Variants in MTCL3 observed in about 807,000 individuals in gnomAD.
The protein encoded by MTCL3 is microtubule cross-linking factor 3.
At chr6:127,476,127 C>G in the MTCL3 span, 5 of 1,614,144 alleles carry the variant, frequency 3.1e-6, no homozygotes, top group East Asian at 1.1e-4. This position sits in a 1 kb window ranked among gnomAD's most constrained non-coding sequence, Gnocchi z 4.4. Flanking sequence ...CCCTCATGAG[C>G]GGGTTGGCCG....
At chr6:127,496,704 TATG>T in the MTCL3 span, among the ~76,000 whole-genome samples, 1 of 152,130 alleles carries the variant, frequency 6.6e-6, no homozygotes, top group Non-Finnish European at 1.5e-5. Context: ...ATAGATAAAA[TATG>T]ATATTTGCCC....
chr6:127,514,914 C>T, the MTCL3 span: 1 of 1,614,162 alleles, frequency 6.2e-7, no homozygotes, highest in Non-Finnish European at 8.5e-7. Context: ...TTTGCGGAGG[C>T]GGTACTGCAG....
chr6:127,479,864 T>C, the MTCL3 span, among the ~76,000 whole-genome samples: 1 of 152,192 alleles, frequency 6.6e-6, no homozygotes, highest in Non-Finnish European at 1.5e-5. Context: ...ACCCAACTAT[T>C]GTAGGCTGCA....
chr6:127,516,230 C>T, the MTCL3 span: 1 of 1,433,216 alleles, frequency 7.0e-7, no homozygotes, highest in Non-Finnish European at 9.1e-7. Context: ...AGGGTCGCGG[C>T]GGGGGCCGCT....
At chr6:127,492,018 T>C in the MTCL3 span, among the ~76,000 whole-genome samples, 1 of 152,184 alleles carries the variant, frequency 6.6e-6, no homozygotes, top group Non-Finnish European at 1.5e-5. Context: ...TGAGAGATTG[T>C]ACAATTCTGC....
At chr6:127,476,423 C>G in the MTCL3 span, 1 of 1,609,820 alleles carries the variant, frequency 6.2e-7, no homozygotes. This position sits in a 1 kb window ranked among gnomAD's most constrained non-coding sequence, Gnocchi z 4.4. Context: ...AAAGCGGCTT[C>G]TTCCTTAACA....
chr6:127,487,213 A>G, the MTCL3 span, among the ~76,000 whole-genome samples: 1 of 152,160 alleles, frequency 6.6e-6, no homozygotes, highest in Admixed American at 6.5e-5. Flanking sequence ...GAACAACTAC[A>G]TTATACTGTT....
the MTCL3 span, among the ~76,000 whole-genome samples, chr6:127,509,628 T>C: frequency 6.6e-6 from 1 of 152,128 alleles, no homozygotes; most frequent in African/African-American, 2.4e-5. Context: ...ACTTTTCTCC[T>C]TTAAAAAAAT....
the MTCL3 span, chr6:127,482,934 C>T: frequency 6.2e-7 from 1 of 1,606,944 alleles, no homozygotes; most frequent in South Asian, 1.1e-5. The surrounding 1 kb of genome is among the most constrained non-coding windows in gnomAD (Gnocchi z 4.1). Context: ...TCTGTTGAGC[C>T]TTTTTTTCAG....
chr6:127,480,459 G>A, the MTCL3 span, among the ~76,000 whole-genome samples: 1 of 152,142 alleles, frequency 6.6e-6, no homozygotes, highest in African/African-American at 2.4e-5. Context: ...AGAAGCTGAA[G>A]CAAATTAACA....
the MTCL3 span, among the ~76,000 whole-genome samples, chr6:127,492,595 A>G: frequency 6.6e-6 from 1 of 152,042 alleles, no homozygotes; most frequent in Non-Finnish European, 1.5e-5. Context: ...ATCTCGGCTC[A>G]CTGCAAGCTC....
At chr6:127,501,536 C>T in the MTCL3 span, among the ~76,000 whole-genome samples, 6 of 152,124 alleles carry the variant, frequency 3.9e-5, no homozygotes, top group African/African-American at 1.4e-4. Context: ...GAAACTGTTA[C>T]TTTGTGAAGG....
the MTCL3 span, chr6:127,515,558 G>C: frequency 6.8e-7 from 1 of 1,467,370 alleles, no homozygotes; most frequent in Non-Finnish European, 9.0e-7. This position sits in a 1 kb window ranked among gnomAD's most constrained non-coding sequence, Gnocchi z 4.3. Flanking sequence ...ATCTCCTCTT[G>C]CATTTCTTCC....
At chr6:127,495,048 G>A in the MTCL3 span, among the ~76,000 whole-genome samples, 1 of 151,782 alleles carries the variant, frequency 6.6e-6, no homozygotes, top group East Asian at 2.0e-4. Context: ...ATACAAAAAA[G>A]TAGCCGGGCA....
chr6:127,473,251 T>C, the MTCL3 span: 3 of 1,485,100 alleles, frequency 2.0e-6, no homozygotes, highest in Non-Finnish European at 2.7e-6. Flanking sequence ...AAACTGAAAA[T>C]ACTACAATGA....
chr6:127,475,322 C>T, the MTCL3 span: 14 of 1,611,374 alleles, frequency 8.7e-6, no homozygotes, highest in Admixed American at 1.3e-4. This position sits in a 1 kb window ranked among gnomAD's most constrained non-coding sequence, Gnocchi z 7.3. Flanking sequence ...TCCTCGGCGC[C>T]GCGGTCGTCC....
chr6:127,493,838 C>T, the MTCL3 span, among the ~76,000 whole-genome samples: 1 of 152,124 alleles, frequency 6.6e-6, no homozygotes, highest in Non-Finnish European at 1.5e-5. Context: ...ATTAAAGAAT[C>T]CAATAAATTT....
chr6:127,516,288 C>A, the MTCL3 span: 2 of 1,537,600 alleles, frequency 1.3e-6, no homozygotes, highest in Non-Finnish European at 1.7e-6. Flanking sequence ...CCCCTTTGGG[C>A]GCCAGGGGCG....
chr6:127,513,083 T>A, the MTCL3 span: 1 of 1,545,992 alleles, frequency 6.5e-7, no homozygotes, highest in Non-Finnish European at 8.8e-7. Context: ...TAAAATATAA[T>A]TAATGACAAT....
Sources: allele counts gnomAD v4.1 joint callset (sites outside exome capture counted in the v4.1 genomes callset), GRCh38; gene constraint gnomAD v4.1.1; non-coding constraint Gnocchi (gnomAD v3.1); transcripts MANE v1.5; gene names NCBI Gene and HGNC (gene_info 2026-07-23, HGNC 2026-07-21).